The following GMDS variants were observed in gnomAD, a reference collection of about 807,000 sequenced individuals.
GMDS encodes the protein GDP-mannose 4,6-dehydratase.
In GMDS, 20 loss-of-function variants were observed where a neutral mutation model predicts 49.9. The ratio of observed to expected loss-of-function variants is 0.40; its 90% CI spans 0.28 to 0.58. The LOEUF (loss-of-function observed/expected upper bound fraction) is 0.58. Among genes scored for constraint, GMDS ranks in the 20% least tolerant of loss-of-function variants. GMDS has a pLI of 0.42. For synonymous variants in GMDS, 177 were observed against 178.6 expected, an observed-to-expected ratio of 0.99 and a Z score of 0.07; for missense variants, 362 against 481.4, an observed-to-expected ratio of 0.75 and a Z score of 2.32.
At chr6:1,901,943 C>T (rs2113860368) in intron 7 of GMDS, among the ~76,000 whole-genome samples, 1 of 152,308 alleles carries the variant, frequency 6.6e-6, no homozygotes, top group East Asian at 1.9e-4. Context: ...ACTGTGGGTG[C>T]TCAGATGACT....
intron 9 of GMDS, among the ~76,000 whole-genome samples, chr6:1,690,722 AAAG>A (rs1235873790): frequency 6.6e-6 from 1 of 152,252 alleles, no homozygotes; most frequent in African/African-American, 2.4e-5. Flanking sequence ...ACACTTCTCA[AAAG>A]AAGACATTTA....
chr6:1,746,346 C>G (rs184777921), intron 7 of GMDS, among the ~76,000 whole-genome samples: 4 of 152,284 alleles, frequency 2.6e-5, no homozygotes, highest in Admixed American at 2.6e-4. Flanking sequence ...CAGTCCTGAC[C>G]TGATTACCAG....
chr6:1,711,013 G>A (rs922431136), intron 9 of GMDS, among the ~76,000 whole-genome samples: 10 of 152,244 alleles, frequency 6.6e-5, no homozygotes, highest in African/African-American at 2.4e-4. Context: ...GAGAAGAAAG[G>A]AGCCGGACCT....
intron 1 of GMDS, among the ~76,000 whole-genome samples, chr6:2,162,851 G>A (rs893463437): frequency 3.3e-5 from 5 of 152,104 alleles, no homozygotes; most frequent in East Asian, 1.9e-4. Flanking sequence ...ACAGGAAACC[G>A]AGTTCCCTCC....
chr6:1,898,346 C>T (rs974768802), intron 7 of GMDS, among the ~76,000 whole-genome samples: 1 of 152,212 alleles, frequency 6.6e-6, no homozygotes, highest in Admixed American at 6.5e-5. Flanking sequence ...TTGCAAGATA[C>T]CTTAGAAACT....
intron 1 of GMDS, among the ~76,000 whole-genome samples, chr6:2,192,754 GCACT>G: frequency 6.6e-6 from 1 of 152,218 alleles, no homozygotes; most frequent in East Asian, 1.9e-4. Flanking sequence ...GCCCAACCCC[GCACT>G]CACTCACACA....
chr6:1,827,183 T>C lies in GMDS; in HGVS notation c.772-84597A>G, dbSNP rs569010425. 7.8e-4 allele frequency among the ~76,000 whole-genome samples: 118 copies of C among 151,726 alleles called. 1 individual carries two copies. The highest frequency in any genetic ancestry group is 3.9e-3 in the East Asian group (20 of 5,146). On this transcript the variant is annotated intron_variant, in intron 7 of 10. Transcript: ENST00000380815. ...CACACACACACACATATCCAGGATA[T>C]ATATACATATATGTATCCTGGATAC...
intron 6 of GMDS, among the ~76,000 whole-genome samples, chr6:1,948,612 A>T (rs1383160910): frequency 6.6e-6 from 1 of 152,124 alleles, no homozygotes; most frequent in Non-Finnish European, 1.5e-5. Context: ...AACTATGATC[A>T]CCGCTGTACT....
chr6:2,148,386 T>C (rs138077683), intron 1 of GMDS, among the ~76,000 whole-genome samples: 1 of 152,298 alleles, frequency 6.6e-6, no homozygotes, highest in Non-Finnish European at 1.5e-5. Context: ...ATCTCTGAGT[T>C]TGTATTCACA....
chr6:2,051,409 A>T (rs1419258842), intron 4 of GMDS, among the ~76,000 whole-genome samples: 3 of 152,242 alleles, frequency 2.0e-5, no homozygotes, highest in Non-Finnish European at 4.4e-5. Context: ...AAAGCACCAT[A>T]TAATTTTTCA....
In GMDS at chr6:1,761,969, A is replaced by G. The variant is rs139573245; in HGVS notation, c.772-19383T>C. 3.4e-4 allele frequency among the ~76,000 whole-genome samples: 52 copies of G among 152,344 alleles called. 1 individual carries two copies. The East Asian group carries it at 7.3e-3, about 21-fold the overall frequency. Reference sequence around the variant, plus strand: ...ACAGAGACTTTGCAAGGAGGAATACAAAAACTCTAAGAGGAAGTACTAAGA... The same window carrying G: ...ACAGAGACTTTGCAAGGAGGAATACGAAAACTCTAAGAGGAAGTACTAAGA... On this transcript the variant is annotated intron_variant, in intron 7 of 10. Coordinates refer to ENST00000380815, the MANE Select transcript of GMDS (RefSeq NM_001500.4).
At chr6:2,122,096 C>A (rs570392652) in intron 2 of GMDS, among the ~76,000 whole-genome samples, 1 of 152,260 alleles carries the variant, frequency 6.6e-6, no homozygotes, top group African/African-American at 2.4e-5. Flanking sequence ...CATACAAAGG[C>A]TAGATTCAAA....
In GMDS at chr6:2,126,631, TTTC is replaced by T. The variant is rs989105669; in HGVS notation, c.103-1903_103-1901del. 1.9e-4 allele frequency among the ~76,000 whole-genome samples: 29 copies of T among 151,928 alleles called. No homozygotes were observed. The East Asian group carries it at 4.1e-3, about 21-fold the overall frequency. ...TGGTTCATTAAAACCTAGAGCAGATTTTCTTCTTCTTCTTCTTTTTTAAGATGG... is the reference window on the plus strand; with the variant it reads ...TGGTTCATTAAAACCTAGAGCAGATTTTCTTCTTCTTCTTTTTTAAGATGG... On this transcript the variant is annotated intron_variant, in intron 1 of 10. Coordinates refer to ENST00000380815, the MANE Select transcript of GMDS (RefSeq NM_001500.4).
chr6:1,997,770 C>T (rs1766385656), intron 4 of GMDS, among the ~76,000 whole-genome samples: 1 of 152,104 alleles, frequency 6.6e-6, no homozygotes, highest in African/African-American at 2.4e-5. Context: ...GAGACTTCCA[C>T]AAGTGCATCG....
At chr6:1,901,008 T>C (rs1161320863) in intron 7 of GMDS, among the ~76,000 whole-genome samples, 2 of 152,210 alleles carry the variant, frequency 1.3e-5, no homozygotes, top group African/African-American at 4.8e-5. Flanking sequence ...TCCTAATACA[T>C]TTACTAGCAA....
At chr6:1,948,115 A>C (rs1045526200) in intron 6 of GMDS, among the ~76,000 whole-genome samples, 2 of 152,180 alleles carry the variant, frequency 1.3e-5, no homozygotes, top group African/African-American at 4.8e-5. Context: ...CATTTTAGAG[A>C]TGAGAAAACT....
At chr6:1,634,610 C>T (rs371780458) in intron 9 of GMDS, among the ~76,000 whole-genome samples, 3 of 152,196 alleles carry the variant, frequency 2.0e-5, no homozygotes, top group Non-Finnish European at 2.9e-5. Context: ...CATCCTTTAC[C>T]GGCCCAGCAC....
intron 1 of GMDS, among the ~76,000 whole-genome samples, chr6:2,200,031 C>A (rs1187256919): frequency 1.3e-5 from 2 of 152,190 alleles, no homozygotes; most frequent in African/African-American, 4.8e-5. Context: ...ATCTGGAAAT[C>A]TCTGCCTTGT....
At chr6:1,945,770 A>C (rs1289502483) in intron 6 of GMDS, among the ~76,000 whole-genome samples, 1 of 152,192 alleles carries the variant, frequency 6.6e-6, no homozygotes, top group Admixed American at 6.5e-5. Flanking sequence ...ACCAACAAAA[A>C]TCCCCAACAT....
Sources: gnomAD v4.1 joint callset for allele counts (sites outside exome capture counted in the v4.1 genomes callset) on GRCh38, gnomAD v4.1.1 for gene constraint, MANE v1.5 for transcripts, NCBI Gene and HGNC (gene_info 2026-07-23, HGNC 2026-07-21) for gene names.